The following MALSU1 variants were observed in gnomAD, a reference collection of about 807,000 sequenced individuals.
The protein encoded by MALSU1 is mitochondrial assembly of ribosomal large subunit 1, also known as mitochondrial assembly of ribosomal large subunit protein 1.
A neutral mutation model predicts 22.1 loss-of-function variants in MALSU1; 22 were observed. That is an observed-to-expected ratio of 1.00 (90% CI 0.71 to 1.42). The LOEUF is 1.42. Ranked by LOEUF, MALSU1 falls within the 40% of genes most tolerant of loss-of-function variation. The pLI, the probability that MALSU1 is intolerant of heterozygous loss-of-function variation, is 0.00. For missense variants in MALSU1, 379 were observed against 308.3 expected (o/e 1.23, Z -1.72); for synonymous variants, 153 against 118.5 (o/e 1.29, Z -1.89).
chr7:23,299,863 T>C (rs755448732), intron 1 of MALSU1, among the ~76,000 whole-genome samples: 3 of 152,078 alleles, frequency 2.0e-5, no homozygotes, highest in Admixed American at 1.3e-4. Context: ...GGCATCACAG[T>C]CTCACCGTCC....
rs192812713 is a variant in MALSU1 at position 23,307,771 on chromosome 7, A to C, written c.436-97A>C. On this transcript the variant is annotated intron_variant, in intron 2 of 3. Coordinates refer to ENST00000466681, the MANE Select transcript of MALSU1 (RefSeq NM_138446.2). ...CAATGAGAAATGAGTAAGAAAGATT[A>C]AAAAAAACAAACAAACAAACAAAAA... 2,370 of 765,118 alleles carry C rather than the reference A, an allele frequency of 3.1e-3. 15 individuals carry two copies. The highest frequency in any genetic ancestry group is 7.9e-3 in the Middle Eastern group (33 of 4,156). The allele number at this position is 765,118 out of a possible 1,614,324, so 47.4% of individuals were successfully genotyped here.
At chr7:23,302,375 G>A (rs561839290) in intron 2 of MALSU1, among the ~76,000 whole-genome samples, 1 of 152,324 alleles carries the variant, frequency 6.6e-6, no homozygotes, top group East Asian at 1.9e-4. Flanking sequence ...ATTGGTCATA[G>A]AGGAGGCAGT....
At chr7:23,301,087 G>A in intron 2 of MALSU1, 70 bp downstream of exon 2, 2 of 1,402,624 alleles carry the variant, frequency 1.4e-6, no homozygotes, top group Non-Finnish European at 2.0e-6. Flanking sequence ...AGGCCAAGGA[G>A]CAACACTTAG....
At chr7:23,305,608 C>G (rs1477801719) in intron 2 of MALSU1, among the ~76,000 whole-genome samples, 1 of 152,102 alleles carries the variant, frequency 6.6e-6, no homozygotes, top group Non-Finnish European at 1.5e-5. Context: ...AACTCCTAAC[C>G]TCAGGTGATG....
chr7:23,304,218 C>G (rs1783694741), intron 2 of MALSU1, among the ~76,000 whole-genome samples: 1 of 152,064 alleles, frequency 6.6e-6, no homozygotes. Context: ...TTTCTGTTCA[C>G]CAGCCTAGCA....
intron 2 of MALSU1, 81 bp from the exon 3 acceptor site, chr7:23,307,778 ACAAACAAAC>A: frequency 1.3e-6 from 1 of 789,640 alleles, no homozygotes; most frequent in South Asian, 1.7e-5. Flanking sequence ...ATTAAAAAAA[ACAAACAAAC>A]AAACAAAAAA....
At chr7:23,306,508 G>A (rs1160217999) in intron 2 of MALSU1, among the ~76,000 whole-genome samples, 1 of 151,842 alleles carries the variant, frequency 6.6e-6, no homozygotes. Context: ...AGCAGGCATA[G>A]TCTTGTTCCT....
At chr7:23,300,446 G>A (rs1235656157) in intron 1 of MALSU1, among the ~76,000 whole-genome samples, 1 of 152,284 alleles carries the variant, frequency 6.6e-6, no homozygotes, top group Admixed American at 6.5e-5. Context: ...TTATGACTGA[G>A]ATTCAATTTA....
At chr7:23,302,149 A>G (rs2128488957) in intron 2 of MALSU1, among the ~76,000 whole-genome samples, 1 of 152,312 alleles carries the variant, frequency 6.6e-6, no homozygotes, top group Non-Finnish European at 1.5e-5. Flanking sequence ...GAGCATGTCC[A>G]GTGTTCCCAA....
intron 2 of MALSU1, among the ~76,000 whole-genome samples, chr7:23,304,826 G>A (rs533938184): frequency 2.7e-4 from 41 of 152,254 alleles, no homozygotes; most frequent in Non-Finnish European, 4.6e-4. Flanking sequence ...ATATATTCTG[G>A]ATATTAATCC....
In MALSU1 at chr7:23,303,660, A is replaced by G. The variant is rs186938278; in HGVS notation, c.435+2643A>G. On this transcript the variant is annotated intron_variant, in intron 2 of 3. Coordinates refer to ENST00000466681, the MANE Select transcript of MALSU1 (RefSeq NM_138446.2). ...AAAAAGACAAAAAATAAAATAAAAA[A>G]TTGGCTGGGCTTGGTGGTGTGTGCC... 8.4e-4 allele frequency among the ~76,000 whole-genome samples: 128 copies of G among 151,808 alleles called. 1 individual carries two copies. The highest frequency in any genetic ancestry group is 2.9e-3 in the Admixed American group (45 of 15,268).
intron 2 of MALSU1, 74 bp from the exon 3 acceptor site, chr7:23,307,794 A>AC (rs1022996342): frequency 2.3e-5 from 22 of 940,862 alleles, no homozygotes; most frequent in South Asian, 4.4e-5. Flanking sequence ...AAACAAACAA[A>AC]AAAAAAAGAC....
intron 3 of MALSU1, among the ~76,000 whole-genome samples, chr7:23,308,918 G>A (rs957526208): frequency 2.0e-5 from 3 of 152,136 alleles, no homozygotes; most frequent in African/African-American, 4.8e-5. Context: ...TTACCTAATT[G>A]AGAAATGCTG....
chr7:23,307,787 C>G (rs1033634178), intron 2 of MALSU1, 81 bp from the exon 3 acceptor site: 9 of 848,494 alleles, frequency 1.1e-5, no homozygotes, highest in Admixed American at 2.3e-5. Flanking sequence ...AACAAACAAA[C>G]AAACAAAAAA....
intron 1 of MALSU1, among the ~76,000 whole-genome samples, chr7:23,300,366 C>T (rs953713862): frequency 1.3e-5 from 2 of 152,190 alleles, no homozygotes; most frequent in Admixed American, 6.5e-5. Flanking sequence ...TCAGTTTCTT[C>T]ATCTCTCAAC....
rs569195919 is a variant in MALSU1 at position 23,302,933 on chromosome 7, C to T, written c.435+1916C>T. On this transcript the variant is annotated intron_variant, in intron 2 of 3. Coordinates refer to ENST00000466681, the MANE Select transcript of MALSU1 (RefSeq NM_138446.2). ...GTGGGATTATAGGCACCCACCACCA[C>T]GCTTGGCTGATTTTTCTATTTTTAG... Among the ~76,000 whole-genome samples, 6 of 152,262 alleles carry T rather than the reference C, an allele frequency of 3.9e-5. No individual in the cohort carries two copies. The South Asian group carries it at 8.3e-4, about 21-fold the overall frequency.
At chr7:23,307,813 A>G in intron 2 of MALSU1, 55 bp from the exon 3 acceptor site, 1 of 1,134,332 alleles carries the variant, frequency 8.8e-7, no homozygotes, top group South Asian at 1.4e-5. Flanking sequence ...ACCTTCAGCA[A>G]GAACAGGCTT....
rs948980046 is a variant in MALSU1 at position 23,308,090 on chromosome 7, G to GT, written c.517+148dup. Reference sequence around the variant, plus strand: ...TTGAAGTGTGTTTAAGGTAACAAAAGTTTTTTTAGTTATAATCCAGGTGGT... The same window carrying GT: ...TTGAAGTGTGTTTAAGGTAACAAAAGTTTTTTTTAGTTATAATCCAGGTGGT... On this transcript the variant is annotated intron_variant, in intron 3 of 3. Coordinates refer to ENST00000466681, the MANE Select transcript of MALSU1 (RefSeq NM_138446.2). 36 of 693,316 alleles carry GT rather than the reference G, an allele frequency of 5.2e-5. No individual in the cohort carries two copies. The Middle Eastern group carries it at 8.0e-4, about 15-fold the overall frequency. 42.9% of individuals were successfully genotyped at this position (693,316 alleles called of 1,614,324 possible). A position where few individuals can be genotyped will look rare whatever the true frequency, so the allele number is the denominator to read the frequency against.
chr7:23,301,859 C>G (rs1729214778), intron 2 of MALSU1, among the ~76,000 whole-genome samples: 1 of 151,776 alleles, frequency 6.6e-6, no homozygotes, highest in South Asian at 2.1e-4. Context: ...ATTCCAGCTA[C>G]TCGGGAGGCT....
Sources: allele counts gnomAD v4.1 joint callset (sites outside exome capture counted in the v4.1 genomes callset), GRCh38; gene constraint gnomAD v4.1.1; transcripts MANE v1.5; gene names NCBI Gene and HGNC (gene_info 2026-07-23, HGNC 2026-07-21).